Variants in PI16 observed in about 807,000 individuals in gnomAD.
PI16 encodes peptidase inhibitor 16.
In PI16, 35 loss-of-function variants were observed where a neutral mutation model predicts 38.0. The observed-to-expected ratio is 0.92, with a 90% CI of 0.70 to 1.22. The LOEUF is 1.22. Ranked by LOEUF, PI16 falls within the 50% of genes most tolerant of loss-of-function variation. The pLI, the probability that PI16 is intolerant of heterozygous loss-of-function variation, is 0.00. For missense variants in PI16, 572 were observed against 593.8 expected (o/e 0.96, Z 0.38); for synonymous variants, 275 against 252.9 (o/e 1.09, Z -0.83).
Position 36,963,524 on chromosome 6 carries a change from C to T in PI16, c.1182C>T (p.Ser394=), listed in dbSNP as rs114176275. The T allele has an allele frequency of 3.1e-3, 4,943 of 1,614,194 alleles. 56 individuals carry two copies. The African/African-American group carries it at 0.038, about 12-fold the overall frequency. ...CACTGGACCACACGGGGCACACCTCCTCCAAGTCCCTGCCCAATTTCCCCA... is the reference window on the plus strand; with the variant it reads ...CACTGGACCACACGGGGCACACCTCTTCCAAGTCCCTGCCCAATTTCCCCA... ...QATLDHTGHT[S]SKSLPNFPNT... is the part of the protein sequence containing the mutation. Residue 394 remains serine, a synonymous_variant, in exon 5 of 7, where the codon TCC becomes TCT. Transcript: ENST00000373674.
chr6:36,955,073 G>A lies in PI16; in HGVS notation c.171+142G>A, dbSNP rs1763168984. On this transcript the variant is annotated intron_variant, in intron 1 of 6. Transcript: ENST00000373674. ...TTCTGGTCAGTGACAGAGTCCCCGA[G>A]TCCCTGACATGGTATTACATTACTT... 77 of 1,401,764 alleles carry A rather than the reference G, an allele frequency of 5.5e-5. 2 individuals are homozygous for A. The South Asian group carries it at 1.1e-3, about 20-fold the overall frequency. The allele number at this position is 1,401,764 out of a possible 1,614,324, so 86.8% of individuals were successfully genotyped here.
At chr6:36,949,221 A>G (rs1763063539) in intron 1 of PI16, among the ~76,000 whole-genome samples, 1 of 152,018 alleles carries the variant, frequency 6.6e-6, no homozygotes, top group South Asian at 2.1e-4. Flanking sequence ...TCCCGGGTTC[A>G]AGTGATTCTC....
intron 1 of PI16, among the ~76,000 whole-genome samples, chr6:36,948,923 T>A (rs796670027): frequency 2.6e-4 from 39 of 151,672 alleles, no homozygotes; most frequent in African/African-American, 9.4e-4. Context: ...GCCTCCCAAG[T>A]AGCTGGGACT....
chr6:36,949,875 T>C (rs1157374221), upstream of PI16, among the ~76,000 whole-genome samples: 1 of 152,148 alleles, frequency 6.6e-6, no homozygotes, highest in Non-Finnish European at 1.5e-5. Flanking sequence ...TACTTTCTGA[T>C]TGTGAGCTAA....
chr6:36,963,234 C>T lies in PI16; in HGVS notation c.892C>T (p.Pro298Ser). 1 of 1,614,238 alleles carries T rather than the reference C, an allele frequency of 6.2e-7. No individual in the cohort carries two copies. Among genetic ancestry groups the T allele is most frequent in the Non-Finnish European group, 8.5e-7 (1 of 1,180,042 alleles). Residue 298 changes from proline (P) to serine (S), a missense_variant, in exon 5 of 7, where the codon CCC (proline) becomes TCC (serine). By Grantham distance (74) the Pro-to-Ser change is moderately conservative. Transcript: ENST00000373674. Reference sequence around the variant, plus strand: ...TTCCATTTTGGCAGCTCACAGCCTGCCCTCCTTGGATGAGGAGCCAGTTAC... The same window carrying T: ...TTCCATTTTGGCAGCTCACAGCCTGTCCTCCTTGGATGAGGAGCCAGTTAC... ...VPSILAAHSL[P>S]SLDEEPVTFP...
chr6:36,963,717 A>G (rs1763437801), intron 5 of PI16, 105 bp downstream of exon 5: 1 of 1,533,836 alleles, frequency 6.5e-7, no homozygotes, highest in Admixed American at 2.0e-5. Context: ...CCCTCTGAGT[A>G]GGAGCTTCCT....
upstream of PI16, among the ~76,000 whole-genome samples, chr6:36,951,874 G>A (rs1191159226): frequency 6.6e-6 from 1 of 152,068 alleles, no homozygotes; most frequent in African/African-American, 2.4e-5. Context: ...ACTCCAGCCT[G>A]GGTGACAGAG....
At position 36,954,751 on chromosome 6, in the gene PI16, G is replaced by A. The variant is rs375168502; in HGVS notation, c.-10G>A. On this transcript the variant is annotated 5_prime_UTR_variant, in exon 1 of 7. Coordinates refer to ENST00000373674, the MANE Select transcript of PI16 (RefSeq NM_153370.3). Reference sequence around the variant, plus strand: ...CCCCTGGACGGGAGAAGGAGAGACGGCTGGCCACCATGCACGGCTCCTGCA... The same window carrying A: ...CCCCTGGACGGGAGAAGGAGAGACGACTGGCCACCATGCACGGCTCCTGCA... 6.8e-6 allele frequency: 11 copies of A among 1,607,110 alleles called. No homozygotes were observed. In the African/African-American group the frequency reaches 1.2e-4, roughly 18 times the overall value.
intron 1 of PI16, among the ~76,000 whole-genome samples, chr6:36,958,226 A>G (rs545591182): frequency 1.3e-5 from 2 of 152,318 alleles, no homozygotes; most frequent in East Asian, 3.9e-4. Context: ...GTGGAGCAAG[A>G]GCTGCCGCCA....
chr6:36,960,325 A>ATTGTG (rs758800895), intron 2 of PI16, among the ~76,000 whole-genome samples: 1 of 139,920 alleles, frequency 7.1e-6, no homozygotes. Context: ...TGCAGATAAG[A>ATTGTG]TGTGTGTGTG....
chr6:36,959,474 C>T, intron 2 of PI16, 108 bp downstream of exon 2: 1 of 1,137,412 alleles, frequency 8.8e-7, no homozygotes, highest in African/African-American at 1.6e-5. Flanking sequence ...AGCGTCCTCG[C>T]TGCAAGTAGG....
intron 1 of PI16, among the ~76,000 whole-genome samples, chr6:36,958,512 C>G (rs1763262927): frequency 6.6e-6 from 1 of 152,196 alleles, no homozygotes; most frequent in Admixed American, 6.5e-5. Flanking sequence ...CTGTGACATT[C>G]AGTGTCACAT....
At chr6:36,954,257 G>C (rs1234780250), upstream of PI16, among the ~76,000 whole-genome samples, 1 of 152,244 alleles carries the variant, frequency 6.6e-6, no homozygotes, top group African/African-American at 2.4e-5. Context: ...CCAAAACACA[G>C]ATAGCAAGGG....
At chr6:36,950,870 A>G (rs1298521872), upstream of PI16, among the ~76,000 whole-genome samples, 4 of 152,138 alleles carry the variant, frequency 2.6e-5, no homozygotes, top group African/African-American at 7.2e-5. The surrounding 1 kb of genome is among the most constrained non-coding windows in gnomAD (Gnocchi z 4.2). Context: ...TCTTTCGCGT[A>G]TATACCCAGA....
Position 36,962,085 on chromosome 6 carries a change from C to A in PI16, c.592+111C>A. 1 of 885,848 alleles carries A rather than the reference C, an allele frequency of 1.1e-6. No individual in the cohort carries two copies. Among genetic ancestry groups the A allele is most frequent in the Non-Finnish European group, 1.8e-6 (1 of 556,578 alleles). The allele number at this position is 885,848 out of a possible 1,614,324, so 54.9% of individuals were successfully genotyped here. A position where few individuals can be genotyped will look rare whatever the true frequency, so the allele number is the denominator to read the frequency against. ...AGCGGGACGTGGGCAGGGAAGGAGC[C>A]TGGTGGGATGCGACCACCGGGGGCC... On this transcript the variant is annotated intron_variant, in intron 4 of 6. Coordinates refer to ENST00000373674, the MANE Select transcript of PI16 (RefSeq NM_153370.3). This position sits in a 1 kb window ranked among gnomAD's most constrained non-coding sequence, Gnocchi z 4.1.
In PI16 at chr6:36,954,768, G is replaced by T; in HGVS notation, c.8G>T (p.Gly3Val). MH[G>V]SCSFLMLLLP... ...GAGAGACGGCTGGCCACCATGCACG[G>T]CTCCTGCAGTTTCCTGATGCTTCTG... Residue 3 changes from glycine to valine, a missense_variant, in exon 1 of 7, where the codon GGC becomes GTC. Physicochemically the swap from Gly to Val is moderately radical, Grantham distance 109. Coordinates refer to ENST00000373674, the MANE Select transcript of PI16 (RefSeq NM_153370.3). The T allele has an allele frequency of 2.5e-6, 4 of 1,612,790 alleles. No individual in the cohort carries two copies. Among genetic ancestry groups the T allele is most frequent in the Non-Finnish European group, 3.4e-6 (4 of 1,179,550 alleles).
At chr6:36,954,661 C>T, upstream of PI16, 1 of 1,495,706 alleles carries the variant, frequency 6.7e-7, no homozygotes, top group Non-Finnish European at 8.9e-7. Context: ...CAAACACGGC[C>T]CCCACTGCCC....
At chr6:36,956,927 G>A (rs538112987) in intron 1 of PI16, among the ~76,000 whole-genome samples, 61 of 152,210 alleles carry the variant, frequency 4.0e-4, no homozygotes, top group African/African-American at 1.3e-3. Flanking sequence ...TTGCCACCCC[G>A]AAGGTTCAAT....
In PI16 at chr6:36,959,138, C is replaced by G. The variant is rs1157832399; in HGVS notation, c.172-7C>G. 1.2e-6 allele frequency: 2 copies of G among 1,603,658 alleles called. No homozygotes were observed. Among genetic ancestry groups the G allele is most frequent in the African/African-American group, 2.7e-5 (2 of 74,942 alleles). On this transcript the variant is annotated splice_polypyrimidine_tract_variant and splice_region_variant and intron_variant, in intron 1 of 6. Coordinates refer to ENST00000373674, the MANE Select transcript of PI16 (RefSeq NM_153370.3). ...TCCTCACCTCCCTTCTCTCACCTGC[C>G]CTGCAGAGATGGGACGAGGAGCTGG...
Sources: allele counts gnomAD v4.1 joint callset (sites outside exome capture counted in the v4.1 genomes callset), GRCh38; gene constraint gnomAD v4.1.1; non-coding constraint Gnocchi (gnomAD v3.1); transcripts MANE v1.5; gene names NCBI Gene and HGNC (gene_info 2026-07-23, HGNC 2026-07-21).